Variants in RIPOR3 observed in about 807,000 individuals in gnomAD.
RIPOR3 encodes RIPOR family member 3, also known as family with sequence similarity 65 member C.
RIPOR3 carries 95 observed loss-of-function variants against 114.3 expected under a neutral mutation model. The ratio of observed to expected loss-of-function variants is 0.83; its 90% CI spans 0.70 to 0.99. The LOEUF is 0.99. Ranked by LOEUF, RIPOR3 falls within the 50% of genes least tolerant of loss-of-function variation. The pLI is 0.00. For missense variants in RIPOR3, 1,252 were observed against 1,266.9 expected (o/e 0.99, Z 0.18); for synonymous variants, 575 against 543.8 (o/e 1.06, Z -0.80).
intron 1 of RIPOR3, among the ~76,000 whole-genome samples, chr20:50,660,642 G>T (rs947376913): frequency 1.3e-5 from 2 of 151,794 alleles, no homozygotes; most frequent in African/African-American, 4.8e-5. Context: ...AGTTTTGGTG[G>T]AGACAAACAC....
chr20:50,667,610 C>T (rs1372184846), intron 1 of RIPOR3, among the ~76,000 whole-genome samples: 1 of 152,190 alleles, frequency 6.6e-6, no homozygotes, highest in Non-Finnish European at 1.5e-5. Flanking sequence ...AAGTTCTTAA[C>T]ACGTCCTCAC....
At chr20:50,680,237 C>A (rs1350866452) in intron 1 of RIPOR3, among the ~76,000 whole-genome samples, 1 of 152,218 alleles carries the variant, frequency 6.6e-6, no homozygotes, top group Non-Finnish European at 1.5e-5. Flanking sequence ...CTTCTCTCTA[C>A]AGTCAATTAC....
At chr20:50,633,055 G>A (rs975274252) in intron 1 of RIPOR3, among the ~76,000 whole-genome samples, 1 of 152,218 alleles carries the variant, frequency 6.6e-6, no homozygotes, top group Non-Finnish European at 1.5e-5. Flanking sequence ...CCTGAGCTCA[G>A]GAGTTCAAGA....
intron 19 of RIPOR3, among the ~76,000 whole-genome samples, chr20:50,590,348 G>A (rs528672471): frequency 2.0e-5 from 3 of 152,352 alleles, no homozygotes; most frequent in Middle Eastern, 3.4e-3. Flanking sequence ...AAGCACACAG[G>A]GTTATGCCCG....
chr20:50,593,598 A>G (rs1292820466), intron 17 of RIPOR3, among the ~76,000 whole-genome samples: 1 of 151,502 alleles, frequency 6.6e-6, no homozygotes, highest in Non-Finnish European at 1.5e-5. Flanking sequence ...TTCTGATGGC[A>G]CGAGGGCAGG....
chr20:50,655,220 C>T (rs1045564181), intron 1 of RIPOR3, among the ~76,000 whole-genome samples: 53 of 152,192 alleles, frequency 3.5e-4, no homozygotes, highest in African/African-American at 1.2e-3. Context: ...AGCCTTTTGC[C>T]AAGAAGAGGT....
chr20:50,687,379 A>G (rs2087063971), intron 1 of RIPOR3, among the ~76,000 whole-genome samples: 1 of 152,276 alleles, frequency 6.6e-6, no homozygotes, highest in Admixed American at 6.5e-5. Context: ...TTTGCATCCA[A>G]GGCCCATGCC....
In RIPOR3 at chr20:50,602,551, C is replaced by T. The variant is rs1417321051; in HGVS notation, c.1180G>A (p.Gly394Ser). ...LSYLSDSDLR[G>S]PSLRSQSQEL... Reference sequence around the variant, plus strand: ...TGACTCTGGCTTCTTAGGCTGGGACCCCGGAGGTCGCTGTCAGACAGGTAG... The same window carrying T: ...TGACTCTGGCTTCTTAGGCTGGGACTCCGGAGGTCGCTGTCAGACAGGTAG... The change falls in exon 13 of 22, where the codon GGT becomes AGT. Residue 394 changes from glycine to serine, a missense_variant. By Grantham distance (56) the Gly-to-Ser change is moderately conservative. Transcript: ENST00000327979. This position sits in a 1 kb window ranked among gnomAD's most constrained non-coding sequence, Gnocchi z 4.3. 1 of 1,548,984 alleles carries T rather than the reference C, an allele frequency of 6.5e-7. No individual in the cohort carries two copies. Among genetic ancestry groups the T allele is most frequent in the Non-Finnish European group, 8.7e-7 (1 of 1,148,398 alleles).
rs139848109 is a variant in RIPOR3, at chr20:50,625,416, C to T, written c.123-5284G>A. On this transcript the variant is annotated intron_variant, in intron 2 of 21. Transcript: ENST00000327979. ...ACATGTATGGACTCATTTCTCCTGACACAGTCTTTGAGGTCAGGCCCCCTG... is the reference window on the plus strand; with the variant it reads ...ACATGTATGGACTCATTTCTCCTGATACAGTCTTTGAGGTCAGGCCCCCTG... Among the ~76,000 whole-genome samples the T allele has an allele frequency of 3.7e-3, 566 of 152,306 alleles. 1 individual carries two copies. The highest frequency in any genetic ancestry group is 6.1e-3 in the Non-Finnish European group (414 of 68,024).
At chr20:50,666,551 G>T (rs946479657) in intron 1 of RIPOR3, among the ~76,000 whole-genome samples, 61 of 147,236 alleles carry the variant, frequency 4.1e-4, no homozygotes, top group African/African-American at 1.5e-3. Flanking sequence ...TGTTTGTTTT[G>T]TTTGTTTTTT....
At chr20:50,657,651 T>TA (rs1019113055) in intron 1 of RIPOR3, among the ~76,000 whole-genome samples, 2 of 152,044 alleles carry the variant, frequency 1.3e-5, no homozygotes, top group African/African-American at 4.8e-5. Context: ...AAATCTGCAT[T>TA]AAAAAAATTT....
intron 1 of RIPOR3, among the ~76,000 whole-genome samples, chr20:50,667,706 A>T (rs2086304182): frequency 6.6e-6 from 1 of 152,022 alleles, no homozygotes; most frequent in Non-Finnish European, 1.5e-5. Context: ...GGCATTTCTG[A>T]AGTCTGGCCC....
chr20:50,595,177 C>CTGCAACT (rs1367628706), intron 16 of RIPOR3, 192 bp downstream of exon 16: 81 of 678,828 alleles, frequency 1.2e-4, no homozygotes, highest in Non-Finnish European at 2.3e-5. Context: ...GAAGAGTGTG[C>CTGCAACT]TGCAACTCCA....
At position 50,659,634 on chromosome 20, in the gene RIPOR3, C is replaced by A. The variant is rs984670923; in HGVS notation, c.4-28778G>T. On this transcript the variant is annotated intron_variant, in intron 1 of 21. Coordinates refer to ENST00000327979, the MANE Select transcript of RIPOR3 (RefSeq NM_001290268.2). ...TGCACTCCAGCCTAGGTGACAAGAG[C>A]GAAACTCCGTCTCAAAAAAAAAAAA... is the stretch of plus-strand genomic sequence containing the variant. 8.8e-5 allele frequency among the ~76,000 whole-genome samples: 11 copies of A among 125,210 alleles called. No individual in the cohort carries two copies. The South Asian group carries it at 2.5e-3, about 28-fold the overall frequency. The allele number at this position is 125,210 out of a possible 152,430, so 82.1% of individuals were successfully genotyped here.
intron 2 of RIPOR3, among the ~76,000 whole-genome samples, chr20:50,628,256 T>C (rs1600624584): frequency 6.6e-6 from 1 of 152,162 alleles, no homozygotes; most frequent in African/African-American, 2.4e-5. Context: ...GAGCACTAAC[T>C]GCTCTGGAGC....
chr20:50,602,458 A>G lies in RIPOR3; in HGVS notation c.1273T>C (p.Ser425Pro). The change falls in exon 13 of 22, where the codon TCC (serine) becomes CCC (proline). Residue 425 changes from serine to proline, a missense_variant. Coordinates refer to ENST00000327979, the MANE Select transcript of RIPOR3 (RefSeq NM_001290268.2). This position sits in a 1 kb window ranked among gnomAD's most constrained non-coding sequence, Gnocchi z 4.3. ...GGCAGGAAGCCCACATCTGAGGTGG[A>G]CGCCGACGTGCTGGTCTCCGTGTCT... is the stretch of plus-strand genomic sequence containing the variant. The part of the protein sequence containing the change: ...PRDTETSTSA[S>P]TSDVGFLPLT... The G allele has an allele frequency of 3.8e-6, 6 of 1,561,636 alleles. No homozygotes were observed. The South Asian group carries it at 7.0e-5, about 18-fold the overall frequency.
intron 1 of RIPOR3, among the ~76,000 whole-genome samples, chr20:50,685,285 C>T (rs927075336): frequency 4.2e-5 from 6 of 144,508 alleles, no homozygotes; most frequent in Admixed American, 7.2e-5. Context: ...GGCGCGATCT[C>T]GGCTCACTGC....
intron 2 of RIPOR3, among the ~76,000 whole-genome samples, chr20:50,626,640 G>A (rs116901476): frequency 0.026 from 3,942 of 152,370 alleles, 81 homozygotes; most frequent in Non-Finnish European, 0.043. Flanking sequence ...CACAGGCCTG[G>A]CAGGAGGAGA....
Position 50,664,507 on chromosome 20 carries a change from C to A in RIPOR3, c.3+26619G>T, listed in dbSNP as rs563211544. Reference sequence around the variant, plus strand: ...TGGAAATCTCCACTGAGGGACAGACCTTCTTTCAAGGCTCACATCAGGCAG... The same window carrying A: ...TGGAAATCTCCACTGAGGGACAGACATTCTTTCAAGGCTCACATCAGGCAG... On this transcript the variant is annotated intron_variant, in intron 1 of 21. Coordinates refer to ENST00000327979, the MANE Select transcript of RIPOR3 (RefSeq NM_001290268.2). Among the ~76,000 whole-genome samples, 22 of 152,252 alleles carry A rather than the reference C, an allele frequency of 1.4e-4. 1 individual carries two copies. The East Asian group carries it at 3.9e-3, about 27-fold the overall frequency.
Sources: gnomAD v4.1 joint callset for allele counts (sites outside exome capture counted in the v4.1 genomes callset) on GRCh38, gnomAD v4.1.1 for gene constraint, Gnocchi (gnomAD v3.1) non-coding constraint, MANE v1.5 for transcripts, NCBI Gene and HGNC (gene_info 2026-07-23, HGNC 2026-07-21) for gene names.